The following NTRK3 variants were observed in gnomAD, a reference collection of about 807,000 sequenced individuals.
NTRK3 encodes NT-3 growth factor receptor.
In NTRK3, 24 loss-of-function variants were observed where a neutral mutation model predicts 91.7. The ratio of observed to expected loss-of-function variants is 0.26; its 90% CI spans 0.19 to 0.37. The LOEUF (loss-of-function observed/expected upper bound fraction) is 0.37, where lower values mean the gene tolerates loss of function less well. Ranked by LOEUF, NTRK3 falls within the 10% of genes least tolerant of loss-of-function variation. NTRK3 has a pLI of 1.00. For missense variants in NTRK3, 880 were observed against 1,068.9 expected (o/e 0.82, Z 2.46); for synonymous variants, 483 against 404.0 (o/e 1.20, Z -2.34).
At chr15:87,929,062 G>T in intron 17 of NTRK3, 129 bp downstream of exon 17, 2 of 1,365,260 alleles carry the variant, frequency 1.5e-6, no homozygotes, top group Non-Finnish European at 2.1e-6. Flanking sequence ...GATAACTGTT[G>T]AGTGCATGTC....
intron 15 of NTRK3, among the ~76,000 whole-genome samples, chr15:87,939,911 T>C (rs752565109): frequency 2.6e-5 from 4 of 152,232 alleles, no homozygotes; most frequent in Non-Finnish European, 4.4e-5. Context: ...CAACTAGTAG[T>C]AGCAAAGTCC....
chr15:88,161,496 T>A (rs1239128018), intron 5 of NTRK3, among the ~76,000 whole-genome samples: 3 of 152,202 alleles, frequency 2.0e-5, no homozygotes, highest in African/African-American at 7.2e-5. Flanking sequence ...AAAGCCTTCC[T>A]CACCCCCAGG....
intron 13 of NTRK3, among the ~76,000 whole-genome samples, chr15:88,099,844 ATAGT>A (rs2049993262): frequency 6.6e-6 from 1 of 152,204 alleles, no homozygotes; most frequent in Non-Finnish European, 1.5e-5. Context: ...GGCGGTTCAC[ATAGT>A]TAGAGATAAC....
chr15:87,956,324 G>T (rs958194502), intron 14 of NTRK3, among the ~76,000 whole-genome samples: 4 of 152,204 alleles, frequency 2.6e-5, no homozygotes, highest in African/African-American at 9.6e-5. Context: ...ACCCAGGCTG[G>T]AATGCAATGG....
chr15:88,255,841 C>G lies in NTRK3; in HGVS notation c.248+65G>C, dbSNP rs138404287. The G allele has an allele frequency of 1.8e-3, 2,561 of 1,422,094 alleles. 42 individuals carry two copies. In the African/African-American group the frequency reaches 0.034, roughly 19 times the overall value. The allele number at this position is 1,422,094 out of a possible 1,614,324, so 88.1% of individuals were successfully genotyped here. A position where few individuals can be genotyped will look rare whatever the true frequency, so the allele number is the denominator to read the frequency against. On this transcript the variant is annotated intron_variant, in intron 3 of 18. Coordinates refer to ENST00000394480, the Ensembl canonical transcript of NTRK3. This position sits in a 1 kb window ranked among gnomAD's most constrained non-coding sequence, Gnocchi z 4.3. ...CGGGCGGAGGGCCGGCTCCCGGCCG[C>G]GGGTGGGCAGGAGGGAGACGCAGAG...
chr15:87,948,739 C>T (rs2070811416), intron 14 of NTRK3, among the ~76,000 whole-genome samples: 1 of 152,090 alleles, frequency 6.6e-6, no homozygotes, highest in African/African-American at 2.4e-5. Context: ...AATGGGGTAA[C>T]AATGACTTGG....
chr15:88,076,112 G>A (rs1434726183), intron 13 of NTRK3, among the ~76,000 whole-genome samples: 2 of 152,142 alleles, frequency 1.3e-5, no homozygotes, highest in Non-Finnish European at 2.9e-5. Flanking sequence ...AAGAAAAAGA[G>A]GTTTAATGGA....
chr15:87,864,301 C>G (rs1327094826), exon 19 of NTRK3: 1 of 231,884 alleles, frequency 4.3e-6, no homozygotes, highest in Non-Finnish European at 8.5e-6. Flanking sequence ...TTGGAGGAGC[C>G]TTTACTTTGG....
intron 13 of NTRK3, among the ~76,000 whole-genome samples, chr15:88,047,832 CT>C (rs1263265757): frequency 6.6e-6 from 1 of 152,100 alleles, no homozygotes; most frequent in African/African-American, 2.4e-5. Context: ...TGTAGTAAGC[CT>C]GATAAAAAGT....
chr15:88,152,158 G>C (rs2043441828), intron 5 of NTRK3, among the ~76,000 whole-genome samples: 1 of 152,120 alleles, frequency 6.6e-6, no homozygotes, highest in Non-Finnish European at 1.5e-5. Context: ...AAAATTAGCT[G>C]GGTGTGGTGG....
chr15:88,161,495 C>G (rs1459801577), intron 5 of NTRK3, among the ~76,000 whole-genome samples: 1 of 152,174 alleles, frequency 6.6e-6, no homozygotes, highest in Non-Finnish European at 1.5e-5. Flanking sequence ...GAAAGCCTTC[C>G]TCACCCCCAG....
At chr15:87,941,595 TG>T (rs1234132116) in intron 14 of NTRK3, among the ~76,000 whole-genome samples, 1 of 152,100 alleles carries the variant, frequency 6.6e-6, no homozygotes, top group Non-Finnish European at 1.5e-5. Flanking sequence ...TAAGATTATC[TG>T]GGGGAAACCC....
chr15:87,955,994 GA>G (rs1338067133), intron 14 of NTRK3, among the ~76,000 whole-genome samples: 1 of 152,078 alleles, frequency 6.6e-6, no homozygotes, highest in African/African-American at 2.4e-5. Context: ...CAGGAAATTT[GA>G]ATACATTGTA....
chr15:87,988,391 G>T (rs954942034), intron 14 of NTRK3, among the ~76,000 whole-genome samples: 3 of 152,152 alleles, frequency 2.0e-5, no homozygotes, highest in African/African-American at 7.2e-5. Context: ...GACATTTGGG[G>T]GAAACTGATG....
chr15:87,957,687 C>T (rs1399827381), intron 14 of NTRK3, among the ~76,000 whole-genome samples: 1 of 152,206 alleles, frequency 6.6e-6, no homozygotes, highest in East Asian at 1.9e-4. Context: ...GGTGGGGTGA[C>T]AGACTTCACA....
At chr15:87,860,762 A>G (rs2141368250) in exon 19 of NTRK3, 1 of 211,324 alleles carries the variant, frequency 4.7e-6, no homozygotes, top group East Asian at 7.1e-5. Flanking sequence ...AATGATAGGA[A>G]GCAATCATGA....
chr15:88,120,980 T>C (rs187843391), intron 13 of NTRK3, among the ~76,000 whole-genome samples: 23 of 152,332 alleles, frequency 1.5e-4, no homozygotes, highest in African/African-American at 4.8e-4. Flanking sequence ...GTTTTCTTCA[T>C]GGGAGTAAGA....
chr15:88,092,727 G>C (rs1476458762), intron 13 of NTRK3, among the ~76,000 whole-genome samples: 1 of 152,202 alleles, frequency 6.6e-6, no homozygotes, highest in East Asian at 1.9e-4. Context: ...TCTGCTCCTT[G>C]TCTGTTTCAG....
chr15:88,093,055 G>A (rs2049176865), intron 13 of NTRK3, among the ~76,000 whole-genome samples: 1 of 150,728 alleles, frequency 6.6e-6, no homozygotes, highest in Admixed American at 6.6e-5. Flanking sequence ...TTGGCTTTGG[G>A]GTTTTTTTTG....
Sources: gnomAD v4.1 joint callset for allele counts (sites outside exome capture counted in the v4.1 genomes callset) on GRCh38, gnomAD v4.1.1 for gene constraint, Gnocchi (gnomAD v3.1) non-coding constraint, MANE v1.5 for transcripts, NCBI Gene and HGNC (gene_info 2026-07-23, HGNC 2026-07-21) for gene names.